Variants in TKFC observed in about 807,000 individuals in gnomAD.
TKFC encodes the protein triokinase and FMN cyclase.
TKFC carries 46 observed loss-of-function variants against 61.0 expected under a neutral mutation model. The observed-to-expected ratio is 0.75, with a 90% CI of 0.60 to 0.96. TKFC has a LOEUF of 0.96. TKFC is among the 50% of genes least tolerant of loss of function. The probability of loss-of-function intolerance (pLI) is 0.00; values close to 1 mark genes in which losing one functional copy is unlikely to be tolerated. For synonymous variants in TKFC, 314 were observed against 330.1 expected (o/e 0.95, Z 0.53); for missense variants, 715 against 777.5 (o/e 0.92, Z 0.96).
chr11:61,337,147 T>C lies in TKFC; in HGVS notation c.4-794T>C, dbSNP rs1856642162. On this transcript the variant is annotated intron_variant, in intron 2 of 17. Transcript: ENST00000394900. Reference sequence around the variant, plus strand: ...ACTGAGGGCAGGAACAGCATTGTTATCTCTTTTTTTATTTCCGAGATGGAG... The same window carrying C: ...ACTGAGGGCAGGAACAGCATTGTTACCTCTTTTTTTATTTCCGAGATGGAG... Among the ~76,000 whole-genome samples, 3 of 152,170 alleles carry C rather than the reference T, an allele frequency of 2.0e-5. No homozygotes were observed. The South Asian group carries it at 6.2e-4, about 31-fold the overall frequency.
At chr11:61,350,404 C>A, downstream of TKFC, 2 of 1,610,828 alleles carry the variant, frequency 1.2e-6, no homozygotes, top group Non-Finnish European at 1.7e-6. Flanking sequence ...CTGCTTCACT[C>A]CCCATCATGC....
Position 61,334,687 on chromosome 11 carries a change from G to T in TKFC, c.-42G>T, listed in dbSNP as rs775704737. Reference sequence around the variant, plus strand: ...GGATTGTCCATCCTCCAGCAGCTCAGTGCAACGGTGTGAACTCAGCCTGTT... The same window carrying T: ...GGATTGTCCATCCTCCAGCAGCTCATTGCAACGGTGTGAACTCAGCCTGTT... On this transcript the variant is annotated 5_prime_UTR_variant, in exon 2 of 18. Transcript: ENST00000394900. The T allele has an allele frequency of 6.2e-7, 1 of 1,613,878 alleles. No individual in the cohort carries two copies. The highest frequency in any genetic ancestry group is 1.3e-5 in the African/African-American group (1 of 74,938).
chr11:61,341,220 C>T (rs1856837327), intron 5 of TKFC, among the ~76,000 whole-genome samples: 1 of 152,198 alleles, frequency 6.6e-6, no homozygotes. Flanking sequence ...AAAGTCTCTT[C>T]TGACTCCAAC....
At chr11:61,342,270 T>C (rs528323451) in intron 7 of TKFC, 191 bp from the exon 8 acceptor site, 11 of 725,080 alleles carry the variant, frequency 1.5e-5, no homozygotes, top group African/African-American at 1.2e-4. Context: ...TATCTCTAGT[T>C]AAAGCTATCT....
chr11:61,350,306 C>T, downstream of TKFC: 1 of 1,521,078 alleles, frequency 6.6e-7, no homozygotes, highest in Non-Finnish European at 8.9e-7. Context: ...AAGTCGCCTG[C>T]TGAAACCAGC....
In TKFC at chr11:61,333,262, C is replaced by G; in HGVS notation, c.-177C>G. On this transcript the variant is annotated 5_prime_UTR_variant, in exon 1 of 18. Coordinates refer to ENST00000394900, the MANE Select transcript of TKFC (RefSeq NM_015533.4). ...CGCAGGACCCGGATGAGAGCGCACGCTTCGGGGTCTCCGGGAAGTCGCGGC... is the reference window on the plus strand; with the variant it reads ...CGCAGGACCCGGATGAGAGCGCACGGTTCGGGGTCTCCGGGAAGTCGCGGC... 1 of 294,102 alleles carries G rather than the reference C, an allele frequency of 3.4e-6. No individual in the cohort carries two copies. The highest frequency in any genetic ancestry group is 6.3e-6 in the Non-Finnish European group (1 of 159,356). 18.2% of individuals were successfully genotyped at this position (294,102 alleles called of 1,614,324 possible).
At chr11:61,334,532 C>T (rs565867580) in intron 1 of TKFC, 88 bp from the exon 2 acceptor site, 17 of 629,770 alleles carry the variant, frequency 2.7e-5, no homozygotes, top group African/African-American at 2.6e-4. Flanking sequence ...TCTGGGGCAG[C>T]TCCCTAATTA....
chr11:61,344,371 T>C, intron 13 of TKFC, 98 bp downstream of exon 13: 4 of 1,465,836 alleles, frequency 2.7e-6, no homozygotes, highest in Non-Finnish European at 3.6e-6. Context: ...TTTTTTTTTT[T>C]TTTTTTTTTA....
intron 5 of TKFC, among the ~76,000 whole-genome samples, chr11:61,340,652 C>CCAT (rs56170512): frequency 0.96 from 109,030 of 114,040 alleles, 52,502 homozygotes; most frequent in East Asian, 1. Context: ...CCGCGCCCGG[C>CCAT]CCCTGCCTTC....
chr11:61,350,385 C>T (rs376788904), downstream of TKFC: 7 of 1,608,136 alleles, frequency 4.4e-6, no homozygotes, highest in South Asian at 6.7e-5. Context: ...TCTTGGGAGC[C>T]CCTTCCTGCT....
rs752107605 is a variant in TKFC at position 61,338,129 on chromosome 11, T to C, written c.192T>C (p.Ala64=). Residue 64 remains alanine (A), a splice_region_variant and synonymous_variant, in exon 3 of 18, where the codon GCT becomes GCC. Transcript: ENST00000394900. The part of the protein sequence containing the change: ...GGGSGHEPAH[A]GFIGKGMLTG... ...GCTCTGGCCATGAGCCTGCCCATGC[T>C]GGTGAGTATCCTGGGGTGGGGCAGG... 6.3e-7 allele frequency: 1 copy of C among 1,587,696 alleles called. No homozygotes were observed. The highest frequency in any genetic ancestry group is 1.1e-5 in the South Asian group (1 of 89,012).
downstream of TKFC, chr11:61,350,092 G>A (rs543346644): frequency 1.4e-5 from 8 of 554,526 alleles, no homozygotes; most frequent in South Asian, 1.7e-4. Flanking sequence ...AAGCCACCAA[G>A]GAAAGCAGAC....
At chr11:61,343,181 G>T (rs556812715) in intron 10 of TKFC, 161 bp from the exon 11 acceptor site, 2 of 675,992 alleles carry the variant, frequency 3.0e-6, no homozygotes, top group Admixed American at 2.7e-5. Flanking sequence ...TCCAGGGAAC[G>T]TGGTCATTTG....
Position 61,341,451 on chromosome 11 carries a change from G to C in TKFC, c.502G>C (p.Ala168Pro). The change falls in exon 6 of 18, where the codon GCT (alanine) becomes CCT (proline). Residue 168 changes from alanine to proline, a missense_variant. Transcript: ENST00000394900. ...GTGGCTGCAGGTGGCAGGTGCTCTG[G>C]CTGAGGCTGGTGTGGGGCTGGAGGA... ...VLIHKVAGAL[A>P]EAGVGLEEIA... 1.3e-5 allele frequency: 20 copies of C among 1,554,218 alleles called. No homozygotes were observed. Among genetic ancestry groups the C allele is most frequent in the Non-Finnish European group, 1.4e-5 (16 of 1,148,240 alleles).
At position 61,348,511 on chromosome 11, in the gene TKFC, C is replaced by A. The variant is rs1268412443; in HGVS notation, c.*2008C>A. ...TAGAGACTGAATGTTTGTGTCCCCC[C>A]CAAATTCCTGTGTTGAAAGGCTCAC... On this transcript the variant is annotated 3_prime_UTR_variant, in exon 18 of 18. Transcript: ENST00000394900. 12 of 985,032 alleles carry A rather than the reference C, an allele frequency of 1.2e-5. No individual in the cohort carries two copies. The highest frequency in any genetic ancestry group is 1.3e-5 in the Non-Finnish European group (11 of 829,564). 61.0% of individuals were successfully genotyped at this position (985,032 alleles called of 1,614,324 possible). A position where few individuals can be genotyped will look rare whatever the true frequency, so the allele number is the denominator to read the frequency against.
rs771065697 is a variant in TKFC at position 61,345,456 on chromosome 11, C to T, written c.1348-6C>T. ...ACCACATGCTCAGCGTTGTCATCTT[C>T]CCCAGCTCTATGGCCTGTTCCTGAC... is the stretch of plus-strand genomic sequence containing the variant. On this transcript the variant is annotated splice_polypyrimidine_tract_variant and splice_region_variant and intron_variant, in intron 14 of 17. Coordinates refer to ENST00000394900, the MANE Select transcript of TKFC (RefSeq NM_015533.4). 5 of 1,612,462 alleles carry T rather than the reference C, an allele frequency of 3.1e-6. No homozygotes were observed. The highest frequency in any genetic ancestry group is 1.6e-4 in the Middle Eastern group (1 of 6,080).
At chr11:61,344,387 G>A in intron 13 of TKFC, 114 bp downstream of exon 13, 1 of 1,315,862 alleles carries the variant, frequency 7.6e-7, no homozygotes, top group East Asian at 2.4e-5. Context: ...TTTTAAGAAG[G>A]AATCTCACTC....
At chr11:61,344,854 C>T (rs548651684) in intron 13 of TKFC, among the ~76,000 whole-genome samples, 1 of 152,306 alleles carries the variant, frequency 6.6e-6, no homozygotes, top group South Asian at 2.1e-4. Flanking sequence ...TATTTGGTGC[C>T]TGCCGTGGGG....
intron 1 of TKFC, chr11:61,334,418 G>C: frequency 2.7e-6 from 1 of 371,546 alleles, no homozygotes; most frequent in Non-Finnish European, 5.1e-6. Context: ...GCTTGACATG[G>C]ATTGATCTGT....
Sources: allele counts gnomAD v4.1 joint callset (sites outside exome capture counted in the v4.1 genomes callset), GRCh38; gene constraint gnomAD v4.1.1; transcripts MANE v1.5; gene names NCBI Gene and HGNC (gene_info 2026-07-23, HGNC 2026-07-21).